NCKAP5: variants seen among roughly 807,000 people sequenced by gnomAD.
NCKAP5 encodes the protein nck-associated protein 5.
NCKAP5 carries 92 observed loss-of-function variants against 167.0 expected under a neutral mutation model. The ratio of observed to expected loss-of-function variants is 0.55; its 90% CI spans 0.47 to 0.66. The LOEUF is 0.66. Ranked by LOEUF, NCKAP5 falls within the 30% of genes least tolerant of loss-of-function variation. The pLI is 0.00. For missense variants in NCKAP5, 2,378 were observed against 2,315.0 expected (o/e 1.03, Z -0.56); for synonymous variants, 891 against 877.4 (o/e 1.02, Z -0.27).
intron 11 of NCKAP5, among the ~76,000 whole-genome samples, chr2:132,832,810 AC>A (rs1306383260): frequency 1.3e-5 from 2 of 152,152 alleles, no homozygotes; most frequent in Non-Finnish European, 2.9e-5. Flanking sequence ...GCTATTGTGA[AC>A]AGTGCTGTGA....
At chr2:133,482,020 C>T (rs926810846) in intron 3 of NCKAP5, among the ~76,000 whole-genome samples, 1 of 152,124 alleles carries the variant, frequency 6.6e-6, no homozygotes, top group Non-Finnish European at 1.5e-5. Flanking sequence ...ATCTATCTTT[C>T]CACTCTTTAC....
At chr2:132,955,467 A>T (rs747537600) in intron 8 of NCKAP5, among the ~76,000 whole-genome samples, 7 of 152,158 alleles carry the variant, frequency 4.6e-5, no homozygotes, top group African/African-American at 1.7e-4. Context: ...AGCTTCATCC[A>T]TCTCTGAAAG....
intron 3 of NCKAP5, among the ~76,000 whole-genome samples, chr2:133,352,600 C>T (rs115084233): frequency 2.0e-4 from 30 of 152,228 alleles, no homozygotes; most frequent in African/African-American, 6.3e-4. Flanking sequence ...CAGACTTGAC[C>T]CTGACATTAG....
chr2:133,236,828 T>C (rs2087444173), intron 4 of NCKAP5, among the ~76,000 whole-genome samples: 1 of 152,132 alleles, frequency 6.6e-6, no homozygotes, highest in Admixed American at 6.5e-5. Context: ...CTCTATAGGC[T>C]TCAATTATGA....
At chr2:133,222,352 A>G (rs1314993226) in intron 4 of NCKAP5, among the ~76,000 whole-genome samples, 1 of 152,124 alleles carries the variant, frequency 6.6e-6, no homozygotes, top group African/African-American at 2.4e-5. Context: ...AACAAGTGGC[A>G]CTGTTTTATA....
chr2:133,125,085 G>T (rs1379755087), intron 6 of NCKAP5, among the ~76,000 whole-genome samples: 1 of 152,088 alleles, frequency 6.6e-6, no homozygotes, highest in Non-Finnish European at 1.5e-5. Flanking sequence ...AAGTTGATTA[G>T]ATTATTTCCA....
chr2:133,430,640 C>A (rs2151124061), intron 3 of NCKAP5, among the ~76,000 whole-genome samples: 1 of 152,082 alleles, frequency 6.6e-6, no homozygotes, highest in East Asian at 1.9e-4. Flanking sequence ...GTCCTTTCCC[C>A]ATTGCTTATT....
At chr2:132,680,481 G>T (rs1353845485) in intron 19 of NCKAP5, among the ~76,000 whole-genome samples, 2 of 152,124 alleles carry the variant, frequency 1.3e-5, no homozygotes, top group Non-Finnish European at 2.9e-5. Flanking sequence ...AAACCCAGAG[G>T]GGGGAAATAA....
intron 2 of NCKAP5, among the ~76,000 whole-genome samples, chr2:133,523,103 CTCTT>C (rs1684606356): frequency 5.9e-5 from 7 of 119,320 alleles, no homozygotes. Flanking sequence ...GCCTTAATAA[CTCTT>C]TTTTTTTTTT....
chr2:133,503,603 A>C (rs533879678), intron 3 of NCKAP5, among the ~76,000 whole-genome samples: 2 of 152,344 alleles, frequency 1.3e-5, no homozygotes, highest in African/African-American at 2.4e-5. Flanking sequence ...TTCTCTGGGC[A>C]AAGGACTTTG....
At chr2:133,354,578 A>T (rs1384346536) in intron 3 of NCKAP5, among the ~76,000 whole-genome samples, 1 of 152,210 alleles carries the variant, frequency 6.6e-6, no homozygotes, top group East Asian at 1.9e-4. Flanking sequence ...TAAAGGAGGG[A>T]ATTAAATTGT....
At chr2:133,178,253 C>G (rs2084555548) in intron 5 of NCKAP5, among the ~76,000 whole-genome samples, 1 of 152,056 alleles carries the variant, frequency 6.6e-6, no homozygotes, top group Admixed American at 6.6e-5. Flanking sequence ...AATCCCAGCA[C>G]TTTGGGAGGC....
the NCKAP5 span, among the ~76,000 whole-genome samples, chr2:133,619,675 AT>A: frequency 6.6e-6 from 1 of 152,174 alleles, no homozygotes; most frequent in Non-Finnish European, 1.5e-5. Context: ...TTTGAAAAAC[AT>A]TTTTGAGGGA....
At chr2:132,867,731 C>T (rs1690468975) in intron 10 of NCKAP5, among the ~76,000 whole-genome samples, 1 of 152,166 alleles carries the variant, frequency 6.6e-6, no homozygotes, top group Admixed American at 6.5e-5. Context: ...CTAGGGACCC[C>T]AAGGACTTTA....
chr2:133,401,881 T>C (rs1295843176), intron 3 of NCKAP5, among the ~76,000 whole-genome samples: 1 of 152,140 alleles, frequency 6.6e-6, no homozygotes, highest in African/African-American at 2.4e-5. Context: ...CCTCACTTAC[T>C]TTCCAAACTT....
chr2:133,402,771 C>CAGAAGCAG (rs1688182952), intron 3 of NCKAP5, among the ~76,000 whole-genome samples: 1 of 152,286 alleles, frequency 6.6e-6, no homozygotes. Context: ...AGGCCCTCAC[C>CAGAAGCAG]AGAAGCAGAT....
the NCKAP5 span, among the ~76,000 whole-genome samples, chr2:133,588,903 T>A: frequency 1.3e-5 from 2 of 152,016 alleles, no homozygotes; most frequent in African/African-American, 4.8e-5. Flanking sequence ...CTGTTTGGTG[T>A]TGGGGAAGAT....
intron 5 of NCKAP5, among the ~76,000 whole-genome samples, chr2:133,180,342 T>C (rs2084675857): frequency 6.6e-6 from 1 of 152,110 alleles, no homozygotes; most frequent in Non-Finnish European, 1.5e-5. Flanking sequence ...TTTTCTTTTC[T>C]TTCTTTCTTT....
intron 5 of NCKAP5, among the ~76,000 whole-genome samples, chr2:133,164,532 C>A (rs1225247915): frequency 2.0e-5 from 3 of 152,138 alleles, no homozygotes. Context: ...GTTGTTACAC[C>A]TTACAACACA....
Sources: gnomAD v4.1 joint callset for allele counts (sites outside exome capture counted in the v4.1 genomes callset) on GRCh38, gnomAD v4.1.1 for gene constraint, MANE v1.5 for transcripts, NCBI Gene and HGNC (gene_info 2026-07-23, HGNC 2026-07-21) for gene names.